DLG2: variants seen among roughly 807,000 people sequenced by gnomAD.
DLG2 encodes the protein disks large homolog 2.
DLG2 carries 45 observed loss-of-function variants against 132.5 expected under a neutral mutation model. The observed-to-expected ratio is 0.34, with a 90% CI of 0.27 to 0.44. DLG2 has a LOEUF of 0.44. Among genes scored for constraint, DLG2 ranks in the 20% least tolerant of loss-of-function variants. The probability of loss-of-function intolerance (pLI) is 1.00; values close to 1 mark genes in which losing one functional copy is unlikely to be tolerated. For synonymous variants in DLG2, 424 were observed against 419.6 expected (o/e 1.01, Z -0.13); for missense variants, 1,045 against 1,196.9 (o/e 0.87, Z 1.87).
chr11:84,945,774 G>A (rs1004375850), intron 6 of DLG2, among the ~76,000 whole-genome samples: 1 of 152,092 alleles, frequency 6.6e-6, no homozygotes, highest in African/African-American at 2.4e-5. Context: ...TGTATCACTA[G>A]GTAATGTGCA....
At chr11:83,890,327 T>G (rs1443349861) in intron 15 of DLG2, among the ~76,000 whole-genome samples, 1 of 148,164 alleles carries the variant, frequency 6.7e-6, no homozygotes, top group Non-Finnish European at 1.5e-5. Context: ...AAAGGTAGAG[T>G]TTTTTTTTTG....
At chr11:84,969,623 T>C (rs578219859) in intron 6 of DLG2, among the ~76,000 whole-genome samples, 1 of 152,268 alleles carries the variant, frequency 6.6e-6, no homozygotes, top group South Asian at 2.1e-4. Flanking sequence ...TTTGAGAGAC[T>C]AGAAAAATAA....
At chr11:84,887,459 T>C (rs2088532577) in intron 6 of DLG2, 2 of 152,088 alleles carry the variant, frequency 1.3e-5, no homozygotes, top group Admixed American at 6.6e-5. Context: ...AAAATATTCA[T>C]TAAAAGCCTG....
intron 7 of DLG2, among the ~76,000 whole-genome samples, chr11:84,424,937 G>A (rs1198240971): frequency 6.6e-6 from 1 of 151,980 alleles, no homozygotes; most frequent in Non-Finnish European, 1.5e-5. Context: ...ATAAATAAGA[G>A]GGAAAAACTG....
intron 8 of DLG2, among the ~76,000 whole-genome samples, chr11:84,227,198 A>G (rs1195037471): frequency 6.6e-6 from 1 of 152,138 alleles, no homozygotes; most frequent in Non-Finnish European, 1.5e-5. Context: ...GTGGCATTTC[A>G]GGAGATCCCA....
At chr11:84,030,360 A>G (rs1326336683) in intron 11 of DLG2, among the ~76,000 whole-genome samples, 3 of 151,948 alleles carry the variant, frequency 2.0e-5, no homozygotes, top group African/African-American at 7.3e-5. Flanking sequence ...TTTTTGAATA[A>G]CTCCCCCAAT....
intron 11 of DLG2, among the ~76,000 whole-genome samples, chr11:84,018,400 T>C (rs1475245479): frequency 6.6e-6 from 1 of 151,992 alleles, no homozygotes; most frequent in Non-Finnish European, 1.5e-5. Context: ...AATCAATCAC[T>C]TACAATGCCT....
chr11:83,478,826 T>C (rs1042389994), intron 22 of DLG2, among the ~76,000 whole-genome samples: 1 of 151,812 alleles, frequency 6.6e-6, no homozygotes, highest in African/African-American at 2.4e-5. Context: ...ACCCAGAAAA[T>C]AAGTTATATT....
chr11:84,866,511 C>G (rs2084591572), intron 6 of DLG2, among the ~76,000 whole-genome samples: 1 of 152,214 alleles, frequency 6.6e-6, no homozygotes, highest in South Asian at 2.1e-4. Context: ...GGAAATCCCT[C>G]TCAATCTGCA....
chr11:84,572,295 C>A (rs1304117338), intron 6 of DLG2, among the ~76,000 whole-genome samples: 6 of 152,086 alleles, frequency 3.9e-5, no homozygotes, highest in Non-Finnish European at 5.9e-5. Flanking sequence ...TGTCTATTAT[C>A]TATCTCTTGA....
intron 6 of DLG2, among the ~76,000 whole-genome samples, chr11:85,023,871 C>T (rs1329329572): frequency 6.6e-6 from 1 of 151,962 alleles, no homozygotes; most frequent in Non-Finnish European, 1.5e-5. Context: ...TTATTATGCC[C>T]ATTTTACAAA....
chr11:85,367,171 G>A (rs966283673), intron 3 of DLG2, among the ~76,000 whole-genome samples: 2 of 152,068 alleles, frequency 1.3e-5, no homozygotes, highest in African/African-American at 2.4e-5. Flanking sequence ...CTTTAATTTA[G>A]TTTAATAACA....
At chr11:84,989,556 G>T (rs761015640) in intron 6 of DLG2, among the ~76,000 whole-genome samples, 1 of 152,160 alleles carries the variant, frequency 6.6e-6, no homozygotes, top group Non-Finnish European at 1.5e-5. Flanking sequence ...AACTGATAAA[G>T]ATTTAATACA....
At chr11:84,088,717 G>T (rs573190951) in intron 10 of DLG2, among the ~76,000 whole-genome samples, 2 of 152,150 alleles carry the variant, frequency 1.3e-5, no homozygotes, top group Non-Finnish European at 2.9e-5. Context: ...AAAATCAAAA[G>T]AGAGGGTTGT....
At chr11:84,214,290 T>A (rs1279352534) in intron 8 of DLG2, among the ~76,000 whole-genome samples, 3 of 147,738 alleles carry the variant, frequency 2.0e-5, no homozygotes, top group Non-Finnish European at 3.0e-5. Context: ...TGAATATATA[T>A]ATGAGAGAAT....
At chr11:84,826,865 A>C (rs10898303) in intron 6 of DLG2, among the ~76,000 whole-genome samples, 134,715 of 151,784 alleles carry the variant, frequency 0.89, 60,909 homozygotes, top group Middle Eastern at 0.98. Flanking sequence ...TTTTCTAATT[A>C]CTTCTTCAAA....
chr11:84,270,694 G>A (rs766971223), intron 7 of DLG2, among the ~76,000 whole-genome samples: 4 of 152,172 alleles, frequency 2.6e-5, no homozygotes, highest in Admixed American at 6.5e-5. Context: ...CTAACGATGC[G>A]TTAGGAATCC....
At chr11:84,293,991 A>G (rs1241191574) in intron 7 of DLG2, among the ~76,000 whole-genome samples, 1 of 152,212 alleles carries the variant, frequency 6.6e-6, no homozygotes, top group Admixed American at 6.5e-5. Flanking sequence ...TGCCACCACC[A>G]GAAAAAGAGT....
chr11:83,652,637 G>A (rs1239719485), intron 18 of DLG2, among the ~76,000 whole-genome samples: 1 of 152,164 alleles, frequency 6.6e-6, no homozygotes, highest in Non-Finnish European at 1.5e-5. Context: ...CTCCCACAGT[G>A]CTGGGATTAC....
Sources: allele counts gnomAD v4.1 joint callset (sites outside exome capture counted in the v4.1 genomes callset), GRCh38; gene constraint gnomAD v4.1.1; transcripts MANE v1.5; gene names NCBI Gene and HGNC (gene_info 2026-07-23, HGNC 2026-07-21).